Variants in NPTN observed in about 807,000 individuals in gnomAD.
The protein encoded by NPTN is SDR-1.
In NPTN, 5 loss-of-function variants were observed where a neutral mutation model predicts 42.7. The ratio of observed to expected loss-of-function variants is 0.12; its 90% confidence interval spans 0.06 to 0.25. The LOEUF (loss-of-function observed/expected upper bound fraction) is 0.25. Ranked by LOEUF, NPTN falls within the 10% of genes least tolerant of loss-of-function variation. The pLI is 1.00. For synonymous variants in NPTN, 180 were observed against 201.9 expected (o/e 0.89, Z 0.92); for missense variants, 307 against 525.4 (o/e 0.58, Z 4.06).
chr15:73,568,911 C>T, intron 6 of NPTN: 1 of 985,538 alleles, frequency 1.0e-6, no homozygotes, highest in Non-Finnish European at 1.2e-6. Context: ...CTGTTGCTCT[C>T]AAACATGTCC....
chr15:73,573,768 C>T lies in NPTN; in HGVS notation c.734G>A (p.Arg245Gln), dbSNP rs764415533. 26 of 1,602,256 alleles carry T rather than the reference C, an allele frequency of 1.6e-5. No homozygotes were observed. Among genetic ancestry groups the T allele is most frequent in the Admixed American group, 1.2e-4 (7 of 58,120 alleles). ...CTGCCCTTCATTCTTGTTCTCACTC[C>T]GTTTATGGCCAGTGATGTCAGGAGC... Reference protein sequence around the residue: ...KAAPDITGHKRSENKNEGQDA... With the variant: ...KAAPDITGHKQSENKNEGQDA... The change falls in exon 5 of 9, where the codon CGG (arginine) becomes CAG (glutamine). Residue 245 changes from arginine to glutamine, a missense_variant. Transcript: ENST00000345330.
intron 4 of NPTN, among the ~76,000 whole-genome samples, chr15:73,583,346 C>G (rs974913323): frequency 6.6e-6 from 1 of 152,124 alleles, no homozygotes; most frequent in Non-Finnish European, 1.5e-5. Context: ...TGCTAGGGTG[C>G]CTGAGTGAGA....
intron 4 of NPTN, among the ~76,000 whole-genome samples, chr15:73,585,507 A>G (rs893321336): frequency 1.3e-5 from 2 of 152,240 alleles, no homozygotes; most frequent in Non-Finnish European, 1.5e-5. Flanking sequence ...CAAACCTTTT[A>G]AAACTTATAC....
chr15:73,565,792 G>A, intron 6 of NPTN: 1 of 456,400 alleles, frequency 2.2e-6, no homozygotes, highest in Non-Finnish European at 4.4e-6. Flanking sequence ...AGCACACACT[G>A]ATTTATCTGC....
intron 1 of NPTN, among the ~76,000 whole-genome samples, chr15:73,617,273 G>A (rs1897908578): frequency 6.6e-6 from 1 of 152,152 alleles, no homozygotes; most frequent in Non-Finnish European, 1.5e-5. Context: ...GTAAAAGGAA[G>A]AACTTCAACA....
chr15:73,601,764 A>G (rs1460091673), intron 1 of NPTN, among the ~76,000 whole-genome samples: 6 of 152,226 alleles, frequency 3.9e-5, no homozygotes, highest in Non-Finnish European at 4.4e-5. Flanking sequence ...GAAAGTATTA[A>G]TATCAGTGCA....
chr15:73,591,863 A>G (rs2141399276), intron 3 of NPTN, 103 bp downstream of exon 3: 2 of 1,120,110 alleles, frequency 1.8e-6, no homozygotes, highest in East Asian at 2.4e-5. Context: ...AGAACCAAAT[A>G]TATCTCATGT....
Position 73,569,811 on chromosome 15 carries a change from A to G in NPTN, c.1114+339T>C. 1.0e-6 allele frequency: 1 copy of G among 985,308 alleles called. No individual in the cohort carries two copies. The highest frequency in any genetic ancestry group is 1.2e-6 in the Non-Finnish European group (1 of 829,890). 61.0% of individuals were successfully genotyped at this position (985,308 alleles called of 1,614,324 possible). A position where few individuals can be genotyped will look rare whatever the true frequency, so the allele number is the denominator to read the frequency against. Reference sequence around the variant, plus strand: ...AAGCTCAATCTGCCTGATGATCTGTATTGAAGGAGGACAGAGCTGAACAAA... The same window carrying G: ...AAGCTCAATCTGCCTGATGATCTGTGTTGAAGGAGGACAGAGCTGAACAAA... On this transcript the variant is annotated intron_variant, in intron 6 of 8. Transcript: ENST00000345330. This position sits in a 1 kb window ranked among gnomAD's most constrained non-coding sequence, Gnocchi z 4.1.
intron 1 of NPTN, among the ~76,000 whole-genome samples, chr15:73,599,831 G>C (rs953026374): frequency 1.3e-5 from 2 of 152,064 alleles, no homozygotes; most frequent in African/African-American, 4.8e-5. Context: ...CTGTGAACTT[G>C]GGGAGTTACA....
chr15:73,622,590 C>T (rs1260736253), intron 1 of NPTN, among the ~76,000 whole-genome samples: 1 of 150,698 alleles, frequency 6.6e-6, no homozygotes, highest in Non-Finnish European at 1.5e-5. Context: ...AAATTACTGT[C>T]AGATATAAGG....
rs552403624 is a variant in NPTN, at chr15:73,612,839, T to A, written c.92-15470A>T. Among the ~76,000 whole-genome samples, 36 of 152,254 alleles carry A rather than the reference T, an allele frequency of 2.4e-4. 1 individual carries two copies. In the South Asian group the frequency reaches 6.8e-3, roughly 29 times the overall value. ...CTATCTTAATTAATGCTCTCCTAAC[T>A]CCATTAAACAGAAATCTCCCATCAT... is the stretch of plus-strand genomic sequence containing the variant. On this transcript the variant is annotated intron_variant, in intron 1 of 8. Coordinates refer to ENST00000345330, the MANE Select transcript of NPTN (RefSeq NM_012428.4).
In NPTN at chr15:73,573,808, G is replaced by A. The variant is rs199639813; in HGVS notation, c.707-13C>T. 104 of 1,603,988 alleles carry A rather than the reference G, an allele frequency of 6.5e-5. No individual in the cohort carries two copies. The highest frequency in any genetic ancestry group is 8.0e-5 in the Non-Finnish European group (94 of 1,175,722). ...ATGTCAGGAGCGGCTGTGAGAAAGC[G>A]TTAGACGCAGTTACCACGGAAGTCT... On this transcript the variant is annotated splice_polypyrimidine_tract_variant and intron_variant, in intron 4 of 8. Transcript: ENST00000345330.
intron 2 of NPTN, among the ~76,000 whole-genome samples, chr15:73,594,326 C>A (rs1218501204): frequency 6.6e-6 from 1 of 152,198 alleles, no homozygotes; most frequent in Non-Finnish European, 1.5e-5. Flanking sequence ...ATGACCACTG[C>A]AGCTCAGGGA....
intron 6 of NPTN, chr15:73,567,115 T>C (rs1351150734): frequency 2.0e-6 from 2 of 982,102 alleles, no homozygotes; most frequent in South Asian, 9.4e-5. Flanking sequence ...AACTAAACTA[T>C]GTAAGTTCAA....
chr15:73,585,142 A>C (rs760294001), intron 4 of NPTN, among the ~76,000 whole-genome samples: 4 of 152,318 alleles, frequency 2.6e-5, no homozygotes, highest in Middle Eastern at 3.4e-3. Flanking sequence ...TGATGAAGAA[A>C]TATATATGCA....
chr15:73,606,748 A>G (rs1897310932), intron 1 of NPTN, among the ~76,000 whole-genome samples: 1 of 152,230 alleles, frequency 6.6e-6, no homozygotes, highest in African/African-American at 2.4e-5. Context: ...TCCAGTTAGC[A>G]TTAAAGCCAA....
rs116448441 is a variant in NPTN at position 73,591,826 on chromosome 15, G to A, written c.611+140C>T. On this transcript the variant is annotated intron_variant, in intron 3 of 8. Coordinates refer to ENST00000345330, the MANE Select transcript of NPTN (RefSeq NM_012428.4). ...TTTTCTAGACTACTGGGCCTTACCT[G>A]AGATACTGGATTGGACTCTCAAAGG... 1.7e-3 allele frequency: 1,256 copies of A among 720,842 alleles called. 12 individuals are homozygous for A. The African/African-American group carries it at 0.02, about 11-fold the overall frequency. The allele number at this position is 720,842 out of a possible 1,614,324, so 44.7% of individuals were successfully genotyped here.
chr15:73,566,145 T>C (rs936463802), intron 6 of NPTN, among the ~76,000 whole-genome samples: 1 of 152,242 alleles, frequency 6.6e-6, no homozygotes, highest in South Asian at 2.1e-4. Flanking sequence ...TAACTTGTTA[T>C]TGACCCAGAT....
In NPTN at chr15:73,570,040, T is replaced by C. The variant is rs1895276750; in HGVS notation, c.1114+110A>G. 2 of 1,085,880 alleles carry C rather than the reference T, an allele frequency of 1.8e-6. No individual in the cohort carries two copies. Among genetic ancestry groups the C allele is most frequent in the East Asian group, 5.6e-5 (2 of 35,774 alleles). 67.3% of individuals were successfully genotyped at this position (1,085,880 alleles called of 1,614,324 possible). ...GGAACTGGTATAAGAATTTTCCTTC[T>C]TTCCTTTAGGGATTGAATCCCAACA... On this transcript the variant is annotated intron_variant, in intron 6 of 8. Transcript: ENST00000345330. This position sits in a 1 kb window ranked among gnomAD's most constrained non-coding sequence, Gnocchi z 4.0.
Sources: gnomAD v4.1 joint callset for allele counts (sites outside exome capture counted in the v4.1 genomes callset) on GRCh38, gnomAD v4.1.1 for gene constraint, Gnocchi (gnomAD v3.1) non-coding constraint, MANE v1.5 for transcripts, NCBI Gene and HGNC (gene_info 2026-07-23, HGNC 2026-07-21) for gene names.